The following LOXL1 variants were observed in gnomAD, a reference collection of about 807,000 sequenced individuals.
The protein encoded by LOXL1 is lysyl oxidase like 1, also known as lysyl oxidase homolog 1.
Under a neutral mutation model 62.2 loss-of-function variants are expected in LOXL1, and 31 were observed. The ratio of observed to expected loss-of-function variants is 0.50; its 90% confidence interval spans 0.37 to 0.67. The LOEUF is 0.67. Ranked by LOEUF, LOXL1 falls within the 30% of genes least tolerant of loss-of-function variation. The probability of loss-of-function intolerance (pLI) is 0.00; values close to 1 mark genes in which losing one functional copy is unlikely to be tolerated. For synonymous variants in LOXL1, 403 were observed against 384.4 expected (o/e 1.05, Z -0.56); for missense variants, 775 against 843.4 (o/e 0.92, Z 1.00).
At chr15:73,929,930 G>A (rs2068624086) in intron 1 of LOXL1, among the ~76,000 whole-genome samples, 1 of 152,208 alleles carries the variant, frequency 6.6e-6, no homozygotes, top group Non-Finnish European at 1.5e-5. Flanking sequence ...CCTGTCTTTG[G>A]GCTGTTAGTT....
At chr15:73,951,417 C>T (rs905695990) in intron 6 of LOXL1, among the ~76,000 whole-genome samples, 12 of 151,972 alleles carry the variant, frequency 7.9e-5, no homozygotes, top group Non-Finnish European at 1.6e-4. Context: ...GCTGGGCCAG[C>T]GTGCACAGGA....
At chr15:73,929,460 C>T (rs781058295) in intron 1 of LOXL1, among the ~76,000 whole-genome samples, 1 of 152,234 alleles carries the variant, frequency 6.6e-6, no homozygotes, top group African/African-American at 2.4e-5. Context: ...GTGCCTGTCT[C>T]CCTGGGTACT....
At chr15:73,938,961 A>G (rs939508139) in intron 1 of LOXL1, among the ~76,000 whole-genome samples, 1 of 152,124 alleles carries the variant, frequency 6.6e-6, no homozygotes, top group Non-Finnish European at 1.5e-5. Context: ...TTTAAAATGC[A>G]TACTTTTTGA....
intron 1 of LOXL1, among the ~76,000 whole-genome samples, chr15:73,941,179 CT>C (rs1460429941): frequency 5.3e-5 from 8 of 152,200 alleles, no homozygotes; most frequent in Non-Finnish European, 8.8e-5. Flanking sequence ...TGGGAAATGA[CT>C]GCAAACATTC....
intron 1 of LOXL1, among the ~76,000 whole-genome samples, chr15:73,936,525 G>A (rs2068674119): frequency 6.6e-6 from 1 of 152,184 alleles, no homozygotes; most frequent in Admixed American, 6.5e-5. Flanking sequence ...ACAAGCAACT[G>A]ACCAGTTCCT....
At chr15:73,946,327 A>G in intron 2 of LOXL1, 90 bp from the exon 3 acceptor site, 1 of 915,522 alleles carries the variant, frequency 1.1e-6, no homozygotes, top group East Asian at 2.5e-5. Flanking sequence ...ACCAGTGGCC[A>G]AGGGCTGGGG....
In LOXL1 at chr15:73,945,397, ACTT is replaced by A. The variant is rs2068741239; in HGVS notation, c.1212-1018_1212-1016del. Among the ~76,000 whole-genome samples, 1 of 152,172 alleles carries A rather than the reference ACTT, an allele frequency of 6.6e-6. No homozygotes were observed. On this transcript the variant is annotated intron_variant, in intron 2 of 6. Coordinates refer to ENST00000261921, the MANE Select transcript of LOXL1 (RefSeq NM_005576.4). This position sits in a 1 kb window ranked among gnomAD's most constrained non-coding sequence, Gnocchi z 4.3. ...CCTCTATGTAGAGCAATCAGGGCAGACTTCCTGGAGGAGGGGACTTTTGAGTTG... is the reference window on the plus strand; with the variant it reads ...CCTCTATGTAGAGCAATCAGGGCAGACCTGGAGGAGGGGACTTTTGAGTTG...
At chr15:73,933,125 T>C (rs1240838891) in intron 1 of LOXL1, among the ~76,000 whole-genome samples, 2 of 152,266 alleles carry the variant, frequency 1.3e-5, no homozygotes, top group East Asian at 1.9e-4. Context: ...ATATCTGATA[T>C]TTATTGAACA....
chr15:73,939,293 G>A (rs1419863583), intron 1 of LOXL1, among the ~76,000 whole-genome samples: 3 of 152,140 alleles, frequency 2.0e-5, no homozygotes, highest in Non-Finnish European at 4.4e-5. Context: ...GCTATGGGAG[G>A]GGGTCTGCTA....
At chr15:73,947,405 C>T in intron 4 of LOXL1, 182 bp downstream of exon 4, 1 of 574,596 alleles carries the variant, frequency 1.7e-6, no homozygotes, top group South Asian at 2.6e-5. Context: ...TCCCTCCCTG[C>T]CCCAGCCCCT....
intron 6 of LOXL1, among the ~76,000 whole-genome samples, chr15:73,950,555 C>G (rs1284792213): frequency 2.6e-5 from 4 of 151,828 alleles, no homozygotes; most frequent in African/African-American, 4.9e-5. Flanking sequence ...GATCAAGGCT[C>G]AGTGTGTGAC....
intron 6 of LOXL1, 115 bp from the exon 7 acceptor site, chr15:73,951,716 G>A (rs757834745): frequency 1.2e-5 from 11 of 882,868 alleles, no homozygotes; most frequent in African/African-American, 1.7e-5. Context: ...GGAAATGTAG[G>A]CCCATGCCTG....
At chr15:73,951,637 G>A (rs530057648) in intron 6 of LOXL1, among the ~76,000 whole-genome samples, 194 bp from the exon 7 acceptor site, 76 of 152,340 alleles carry the variant, frequency 5.0e-4, no homozygotes, top group South Asian at 8.3e-4. Context: ...ACTGTGCCCT[G>A]GGTGGGTGGG....
rs201011613 is a variant in LOXL1 at position 73,946,425 on chromosome 15, A to T, written c.1220A>T (p.Tyr407Phe). 204 of 1,611,844 alleles carry T rather than the reference A, an allele frequency of 1.3e-4. 1 individual carries two copies. In the East Asian group the frequency reaches 4.5e-3, roughly 36 times the overall value. Residue 407 changes from tyrosine to phenylalanine, a missense_variant, in exon 3 of 7, where the codon TAT becomes TTT. Coordinates refer to ENST00000261921, the MANE Select transcript of LOXL1 (RefSeq NM_005576.4). ...AEEKCLASTA[Y>F]APEATDYDVR... ...CCCCGCCGTCCCTGCAGCACAGCCT[A>T]TGCCCCTGAGGCCACCGACTACGAT...
At chr15:73,946,089 T>C (rs2068745136) in intron 2 of LOXL1, among the ~76,000 whole-genome samples, 1 of 152,110 alleles carries the variant, frequency 6.6e-6, no homozygotes, top group African/African-American at 2.4e-5. Flanking sequence ...CTCCTGCACC[T>C]AGGGGCTGAC....
chr15:73,928,601 C>CAAAAAAAAAAAAA (rs55696344), intron 1 of LOXL1, among the ~76,000 whole-genome samples: 1 of 105,014 alleles, frequency 9.5e-6, no homozygotes, highest in Non-Finnish European at 2.0e-5. Flanking sequence ...AAAATTAATG[C>CAAAAAAAAAAAAA]AAAAAAAAAA....
rs1038629327 is a variant in LOXL1 at position 73,927,787 on chromosome 15, G to A, written c.1004G>A (p.Arg335His). The A allele has an allele frequency of 1.4e-6, 2 of 1,412,334 alleles. No homozygotes were observed. The highest frequency in any genetic ancestry group is 3.0e-5 in the East Asian group (1 of 32,996). 87.5% of individuals were successfully genotyped at this position (1,412,334 alleles called of 1,614,324 possible). The part of the protein sequence containing the change: ...RALEPPYLPV[R>H]SSDTPPPGGE... ...CTGGAGCCGCCCTACCTGCCGGTGCGCAGCTCCGACACGCCCCCGCCGGGT... is the reference window on the plus strand; with the variant it reads ...CTGGAGCCGCCCTACCTGCCGGTGCACAGCTCCGACACGCCCCCGCCGGGT... Residue 335 changes from arginine (R) to histidine (H), a missense_variant, in exon 1 of 7, where the codon CGC becomes CAC. Arg to His is a conservative substitution (Grantham distance 29). Coordinates refer to ENST00000261921, the MANE Select transcript of LOXL1 (RefSeq NM_005576.4).
intron 1 of LOXL1, among the ~76,000 whole-genome samples, chr15:73,940,416 A>C (rs1461652094): frequency 6.6e-6 from 1 of 150,932 alleles, no homozygotes; most frequent in Non-Finnish European, 1.5e-5. Flanking sequence ...TACTCCACTC[A>C]GTTTTAATCA....
chr15:73,927,770 G>T lies in LOXL1; in HGVS notation c.987G>T (p.Pro329=), dbSNP rs779143433. The part of the protein sequence containing the change: ...EAYGPPRALE[P]PYLPVRSSDT... ...ACGGGCCGCCGCGCGCGCTGGAGCCGCCCTACCTGCCGGTGCGCAGCTCCG... is the reference window on the plus strand; with the variant it reads ...ACGGGCCGCCGCGCGCGCTGGAGCCTCCCTACCTGCCGGTGCGCAGCTCCG... Residue 329 remains proline, a synonymous_variant, in exon 1 of 7, where the codon CCG becomes CCT. Transcript: ENST00000261921. 42 of 1,434,538 alleles carry T rather than the reference G, an allele frequency of 2.9e-5. 2 individuals are homozygous for T. The South Asian group carries it at 5.5e-4, about 19-fold the overall frequency. The allele number at this position is 1,434,538 out of a possible 1,614,324, so 88.9% of individuals were successfully genotyped here. A position where few individuals can be genotyped will look rare whatever the true frequency, so the allele number is the denominator to read the frequency against.
Sources: gnomAD v4.1 joint callset for allele counts (sites outside exome capture counted in the v4.1 genomes callset) on GRCh38, gnomAD v4.1.1 for gene constraint, Gnocchi (gnomAD v3.1) non-coding constraint, MANE v1.5 for transcripts, NCBI Gene and HGNC (gene_info 2026-07-23, HGNC 2026-07-21) for gene names.